Variants in ZNF282 observed in about 807,000 individuals in gnomAD.
ZNF282 encodes zinc finger protein 282.
A neutral mutation model predicts 61.9 loss-of-function variants in ZNF282; 30 were observed. The observed-to-expected ratio is 0.48, with a 90% CI of 0.36 to 0.66. The LOEUF (loss-of-function observed/expected upper bound fraction) is 0.66, where lower values mean the gene tolerates loss of function less well. Among genes scored for constraint, ZNF282 ranks in the 30% least tolerant of loss-of-function variants. The probability of loss-of-function intolerance (pLI) is 0.00; values close to 1 mark genes in which losing one functional copy is unlikely to be tolerated. For missense variants in ZNF282, 788 were observed against 941.4 expected (o/e 0.84, Z 2.13); for synonymous variants, 396 against 405.0 (o/e 0.98, Z 0.27).
At chr7:149,208,212 CAG>C (rs1315029970) in intron 4 of ZNF282, among the ~76,000 whole-genome samples, 1 of 152,138 alleles carries the variant, frequency 6.6e-6, no homozygotes, top group Non-Finnish European at 1.5e-5. Context: ...TTCTTTGAGA[CAG>C]AGTCTCATTC....
rs534382317 is a variant in ZNF282, at chr7:149,225,031, A to T, written c.*384A>T. The T allele has an allele frequency of 3.9e-6, 1 of 254,610 alleles. No homozygotes were observed. The highest frequency in any genetic ancestry group is 4.9e-5 in the Admixed American group (1 of 20,344). The allele number at this position is 254,610 out of a possible 1,614,324, so 15.8% of individuals were successfully genotyped here. On this transcript the variant is annotated 3_prime_UTR_variant, in exon 8 of 8. Transcript: ENST00000610704. ...CCCAAGGTTAGGAGACGCCCTGAAA[A>T]AAAGCGAAGGCCGAGGGATGTGCTA... is the stretch of plus-strand genomic sequence containing the variant.
chr7:149,215,166 A>G (rs112406720), intron 7 of ZNF282, among the ~76,000 whole-genome samples: 3 of 143,868 alleles, frequency 2.1e-5, no homozygotes, highest in African/African-American at 7.7e-5. Context: ...GAATAGCTGC[A>G]TGTGTGTTCC....
intron 7 of ZNF282, among the ~76,000 whole-genome samples, chr7:149,220,926 T>TTTGTTG (rs1001292440): frequency 6.6e-5 from 7 of 106,232 alleles, no homozygotes; most frequent in African/African-American, 1.9e-4. Context: ...GGTTTTTTTT[T>TTTGTTG]TTTTTTTTTT....
chr7:149,213,576 G>A, intron 6 of ZNF282, 125 bp from the exon 7 acceptor site: 1 of 684,108 alleles, frequency 1.5e-6, no homozygotes, highest in Non-Finnish European at 2.6e-6. Context: ...GCCTGGAAAT[G>A]CAACACCGAT....
chr7:149,213,943 A>G, intron 7 of ZNF282, 129 bp downstream of exon 7: 1 of 629,926 alleles, frequency 1.6e-6, no homozygotes, highest in Non-Finnish European at 2.8e-6. Context: ...GCAGCGTTTC[A>G]AAGTTCTGCA....
intron 7 of ZNF282, 74 bp from the exon 8 acceptor site, chr7:149,223,738 G>T: frequency 7.3e-7 from 1 of 1,374,390 alleles, no homozygotes; most frequent in Non-Finnish European, 9.4e-7. Context: ...TGCTCCCTGG[G>T]CCCCCCTTCG....
rs750350055 is a variant in ZNF282, at chr7:149,210,668, C to T, written c.916C>T (p.Leu306=). The change falls in exon 5 of 8, where the codon CTG becomes TTG. Residue 306 remains leucine, a synonymous_variant. Transcript: ENST00000610704. ...CCTGTGTGTCCGGGGTCAGCGGGGC[C>T]TGGAGGAAAGAGCCATCCCTACGGA... ...DTLCVRGQRG[L]EERAIPTESI... The T allele has an allele frequency of 1.2e-5, 19 of 1,609,354 alleles. No homozygotes were observed. The highest frequency in any genetic ancestry group is 5.4e-5 in the African/African-American group (4 of 74,756).
At chr7:149,210,047 A>C (rs1000606344) in intron 4 of ZNF282, among the ~76,000 whole-genome samples, 1 of 152,180 alleles carries the variant, frequency 6.6e-6, no homozygotes, top group African/African-American at 2.4e-5. Context: ...GACTGGCTGT[A>C]TAAGGAGGTT....
In ZNF282 at chr7:149,198,635, C is replaced by G. The variant is rs1795860493; in HGVS notation, c.468C>G (p.Thr156=). 1.2e-6 allele frequency: 2 copies of G among 1,614,146 alleles called. No homozygotes were observed. Among genetic ancestry groups the G allele is most frequent in the African/African-American group, 2.7e-5 (2 of 75,036 alleles). ...AGAGCAAGTGGGCCGTGCTGGGGACCCTGCTGCAGGAGTACGGGCTGCTGC... is the reference window on the plus strand; with the variant it reads ...AGAGCAAGTGGGCCGTGCTGGGGACGCTGCTGCAGGAGTACGGGCTGCTGC... ...HMESKWAVLG[T]LLQEYGLLQR... The change falls in exon 2 of 8, where the codon ACC becomes ACG. Residue 156 remains threonine (T), a synonymous_variant. Coordinates refer to ENST00000610704, the MANE Select transcript of ZNF282 (RefSeq NM_003575.4). This position sits in a 1 kb window ranked among gnomAD's most constrained non-coding sequence, Gnocchi z 4.3.
At position 149,213,752 on chromosome 7, in the gene ZNF282, A is replaced by G. The variant is rs769670725; in HGVS notation, c.1118A>G (p.Gln373Arg). The change falls in exon 7 of 8, where the codon CAG becomes CGG. Residue 373 changes from glutamine to arginine, a missense_variant. Transcript: ENST00000610704. ...TTGTCATGGATCAAGCAGGAGGAGC[A>G]GCCATACCCATGGGGACCACGCGAC... is the stretch of plus-strand genomic sequence containing the variant. ...DILSWIKQEE[Q>R]PYPWGPRDSM... 3.7e-6 allele frequency: 6 copies of G among 1,613,982 alleles called. No individual in the cohort carries two copies. Among genetic ancestry groups the G allele is most frequent in the Non-Finnish European group, 5.1e-6 (6 of 1,179,994 alleles).
At chr7:149,207,986 G>T (rs1796025007) in intron 4 of ZNF282, among the ~76,000 whole-genome samples, 1 of 152,206 alleles carries the variant, frequency 6.6e-6, no homozygotes, top group Non-Finnish European at 1.5e-5. Flanking sequence ...GGCCCCCCGA[G>T]CACATCACAC....
At position 149,195,691 on chromosome 7, in the gene ZNF282, G is replaced by A. The variant is rs1452414260; in HGVS notation, c.102G>A (p.Glu34=). The change falls in exon 1 of 8, where the codon GAG becomes GAA. Residue 34 remains glutamate, a synonymous_variant. Coordinates refer to ENST00000610704, the MANE Select transcript of ZNF282 (RefSeq NM_003575.4). ...SWSWAQALPP[E]EVCHQEPALR... Reference sequence around the variant, plus strand: ...GCTGGGCCCAGGCTCTGCCCCCGGAGGAGGTCTGCCACCAGGAGCCGGCGC... The same window carrying A: ...GCTGGGCCCAGGCTCTGCCCCCGGAAGAGGTCTGCCACCAGGAGCCGGCGC... 1 of 1,574,818 alleles carries A rather than the reference G, an allele frequency of 6.3e-7. No individual in the cohort carries two copies. Among genetic ancestry groups the A allele is most frequent in the Non-Finnish European group, 8.6e-7 (1 of 1,162,330 alleles).
intron 2 of ZNF282, among the ~76,000 whole-genome samples, chr7:149,200,888 C>T (rs546607839): frequency 1.3e-5 from 2 of 152,260 alleles, no homozygotes; most frequent in African/African-American, 4.8e-5. Flanking sequence ...TGAGCCACCA[C>T]GCCCAGCTAG....
In ZNF282 at chr7:149,226,013, C is replaced by T. The variant is rs1443358671; in HGVS notation, c.*1366C>T. ...CTGCCCTTGCCGTGGGTCCGGCGTT[C>T]CTCCCAGCCGGGATCACAGTGGGCA... On this transcript the variant is annotated 3_prime_UTR_variant, in exon 8 of 8. Transcript: ENST00000610704. 1 of 152,648 alleles carries T rather than the reference C, an allele frequency of 6.6e-6. No homozygotes were observed. Among genetic ancestry groups the T allele is most frequent in the Admixed American group, 6.5e-5 (1 of 15,286 alleles). The allele number at this position is 152,648 out of a possible 1,614,324, so 9.5% of individuals were successfully genotyped here. A position where few individuals can be genotyped will look rare whatever the true frequency, so the allele number is the denominator to read the frequency against.
Position 149,224,496 on chromosome 7 carries a change from G to T in ZNF282, c.1865G>T (p.Arg622Leu). 1 of 1,612,986 alleles carries T rather than the reference G, an allele frequency of 6.2e-7. No homozygotes were observed. The highest frequency in any genetic ancestry group is 8.5e-7 in the Non-Finnish European group (1 of 1,179,868). The part of the protein sequence containing the change: ...IRKQNLLKHQ[R>L]IHTGERPYTC... ...AAGCAGAACCTGCTCAAGCACCAGCGCATCCACACGGGCGAGCGCCCCTAC... is the reference window on the plus strand; with the variant it reads ...AAGCAGAACCTGCTCAAGCACCAGCTCATCCACACGGGCGAGCGCCCCTAC... The change falls in exon 8 of 8, where the codon CGC (arginine) becomes CTC (leucine). Residue 622 changes from arginine to leucine, a missense_variant. Coordinates refer to ENST00000610704, the MANE Select transcript of ZNF282 (RefSeq NM_003575.4).
chr7:149,213,066 C>G (rs34272452), intron 6 of ZNF282, among the ~76,000 whole-genome samples: 5,005 of 152,222 alleles, frequency 0.033, 263 homozygotes, highest in African/African-American at 0.11. Flanking sequence ...ACAATGGAAG[C>G]CCCACCTGCC....
At chr7:149,217,705 C>T (rs1453930614) in intron 7 of ZNF282, among the ~76,000 whole-genome samples, 1 of 152,092 alleles carries the variant, frequency 6.6e-6, no homozygotes, top group Non-Finnish European at 1.5e-5. Flanking sequence ...GGAGTGTGGA[C>T]ATGAGGCAGA....
intron 4 of ZNF282, 40 bp downstream of exon 4, chr7:149,207,510 C>T (rs1460608784): frequency 3.2e-6 from 5 of 1,552,062 alleles, no homozygotes; most frequent in East Asian, 4.8e-5. Flanking sequence ...CAGGGAAGGG[C>T]GAGAGAGGAC....
rs1161807124 is a variant in ZNF282, at chr7:149,198,158, G to A, written c.166-175G>A. Among the ~76,000 whole-genome samples, 1 of 152,090 alleles carries A rather than the reference G, an allele frequency of 6.6e-6. No individual in the cohort carries two copies. The highest frequency in any genetic ancestry group is 1.5e-5 in the Non-Finnish European group (1 of 68,016). ...AGGAGATGGGAGAGTGTTGAGTTGG[G>A]TGGGTGGGTGAGTGGGTAGCTGTTG... On this transcript the variant is annotated intron_variant, in intron 1 of 7. Coordinates refer to ENST00000610704, the MANE Select transcript of ZNF282 (RefSeq NM_003575.4). This position sits in a 1 kb window ranked among gnomAD's most constrained non-coding sequence, Gnocchi z 4.3.
Sources: allele counts gnomAD v4.1 joint callset (sites outside exome capture counted in the v4.1 genomes callset), GRCh38; gene constraint gnomAD v4.1.1; non-coding constraint Gnocchi (gnomAD v3.1); transcripts MANE v1.5; gene names NCBI Gene and HGNC (gene_info 2026-07-23, HGNC 2026-07-21).